The following NUP160 variants were observed in gnomAD, a reference collection of about 807,000 sequenced individuals.
The protein encoded by NUP160 is nuclear pore complex protein Nup160.
In NUP160, 94 loss-of-function variants were observed where a neutral mutation model predicts 196.9. That is an observed-to-expected ratio of 0.48 (90% CI 0.40 to 0.57). The LOEUF (loss-of-function observed/expected upper bound fraction) is 0.57, where lower values mean the gene tolerates loss of function less well. NUP160 is among the 20% of genes least tolerant of loss of function. The pLI is 0.00. For synonymous variants in NUP160, 605 were observed against 619.7 expected (o/e 0.98, Z 0.35); for missense variants, 1,638 against 1,748.3 (o/e 0.94, Z 1.13).
intron 29 of NUP160, 37 bp from the exon 30 acceptor site, chr11:47,788,648 T>C (rs141561991): frequency 6.9e-6 from 9 of 1,300,316 alleles, no homozygotes; most frequent in Admixed American, 3.5e-5. Flanking sequence ...ACTCCCAAAA[T>C]ACAAAGAAGT....
chr11:47,807,046 A>T (rs200696739), intron 19 of NUP160, 24 bp downstream of exon 19: 1 of 1,517,230 alleles, frequency 6.6e-7, no homozygotes, highest in Non-Finnish European at 9.1e-7. Flanking sequence ...TTAAAATGAA[A>T]TGTGTACATA....
At chr11:47,811,315 C>T (rs2135373975) in intron 17 of NUP160, among the ~76,000 whole-genome samples, 1 of 151,984 alleles carries the variant, frequency 6.6e-6, no homozygotes, top group Non-Finnish European at 1.5e-5. Flanking sequence ...TTAAGATCAG[C>T]CTGGTCAACA....
chr11:47,817,047 C>T (rs992986641), intron 11 of NUP160, among the ~76,000 whole-genome samples: 1 of 151,008 alleles, frequency 6.6e-6, no homozygotes, highest in Admixed American at 6.6e-5. Context: ...ATGATCAAGG[C>T]TCACCATACC....
chr11:47,812,484 C>T, intron 15 of NUP160, 55 bp from the exon 16 acceptor site: 1 of 1,495,630 alleles, frequency 6.7e-7, no homozygotes. Flanking sequence ...AAGGCAAGTT[C>T]TATATGTCCT....
intron 31 of NUP160, chr11:47,787,215 G>C (rs2097665071): frequency 6.6e-6 from 1 of 151,444 alleles, no homozygotes; most frequent in Non-Finnish European, 1.5e-5. Context: ...AGCCACCCAA[G>C]TAGCTGGGAT....
intron 7 of NUP160, among the ~76,000 whole-genome samples, chr11:47,834,895 T>C (rs1852145285): frequency 6.6e-6 from 1 of 151,236 alleles, no homozygotes; most frequent in South Asian, 2.1e-4. Flanking sequence ...TCAGGTTGGG[T>C]GAGGAGGAGG....
At chr11:47,785,603 T>G (rs980447299) in intron 32 of NUP160, among the ~76,000 whole-genome samples, 2 of 152,226 alleles carry the variant, frequency 1.3e-5, no homozygotes, top group African/African-American at 4.8e-5. Flanking sequence ...ACATATTTAG[T>G]AAATGAACGT....
At chr11:47,799,553 A>T (rs2097672937) in intron 23 of NUP160, among the ~76,000 whole-genome samples, 1 of 152,116 alleles carries the variant, frequency 6.6e-6, no homozygotes, top group East Asian at 1.9e-4. Flanking sequence ...AATTATTTTT[A>T]TTAATTTTTT....
intron 7 of NUP160, among the ~76,000 whole-genome samples, chr11:47,824,234 G>A (rs533164115): frequency 1.3e-5 from 2 of 151,460 alleles, no homozygotes; most frequent in Non-Finnish European, 2.9e-5. Flanking sequence ...TCCTTGCCAA[G>A]ACATTTATTT....
At position 47,812,867 on chromosome 11, in the gene NUP160, C is replaced by G; in HGVS notation, c.1952+15G>C. 1 of 1,592,956 alleles carries G rather than the reference C, an allele frequency of 6.3e-7. No homozygotes were observed. The highest frequency in any genetic ancestry group is 1.2e-5 in the South Asian group (1 of 86,810). ...ATTTCCATTAGGAAATGCACTTTAC[C>G]CTAATTCTCCTTACACATCAATAGT... is the stretch of plus-strand genomic sequence containing the variant. On this transcript the variant is annotated intron_variant, in intron 15 of 35. Transcript: ENST00000378460.
rs1377668028 is a variant in NUP160, at chr11:47,801,659, T to TA, written c.2895+151dup. ...GCCACCGTGCCCGGCCATGTTTCTT[T>TA]AATTTCTCTAGGCAAATTCATTTTT... On this transcript the variant is annotated intron_variant, in intron 23 of 35. Coordinates refer to ENST00000378460, the Ensembl canonical transcript of NUP160. 4.0e-6 allele frequency: 3 copies of TA among 744,144 alleles called. No homozygotes were observed. The African/African-American group carries it at 5.4e-5, about 14-fold the overall frequency. The allele number at this position is 744,144 out of a possible 1,614,324, so 46.1% of individuals were successfully genotyped here.
exon 32 of NUP160, chr11:47,786,482 G>C: frequency 6.2e-7 from 1 of 1,613,880 alleles, no homozygotes; most frequent in Non-Finnish European, 8.5e-7. Flanking sequence ...TGACAGATGA[G>C]AGCTGATTGG....
At chr11:47,796,665 T>C (rs1364308868) in intron 27 of NUP160, among the ~76,000 whole-genome samples, 1 of 152,198 alleles carries the variant, frequency 6.6e-6, no homozygotes, top group Non-Finnish European at 1.5e-5. Context: ...AATTTTACAT[T>C]AAAAAGTTGA....
chr11:47,782,539 A>G (rs1463275634), intron 34 of NUP160, among the ~76,000 whole-genome samples: 2 of 151,250 alleles, frequency 1.3e-5, no homozygotes, highest in Admixed American at 6.6e-5. Flanking sequence ...GTTGGGCAAA[A>G]TCATCTAACA....
Position 47,824,052 on chromosome 11 carries a change from T to TACAC in NUP160, c.1102-1892_1102-1889dup, listed in dbSNP as rs59415997. Among the ~76,000 whole-genome samples the TACAC allele has an allele frequency of 4.2e-3, 390 of 93,724 alleles. 2 individuals are homozygous for TACAC. The highest frequency in any genetic ancestry group is 5.3e-3 in the Non-Finnish European group (267 of 50,154). 61.5% of individuals were successfully genotyped at this position (93,724 alleles called of 152,430 possible). A position where few individuals can be genotyped will look rare whatever the true frequency, so the allele number is the denominator to read the frequency against. ...ATATATATATATATATATATATATA[T>TACAC]ACACACACACATAGAAGTGGAATTT... On this transcript the variant is annotated intron_variant, in intron 7 of 35. Transcript: ENST00000378460.
In NUP160 at chr11:47,831,982, A is replaced by G. The variant is rs189348001; in HGVS notation, c.1101+3669T>C. On this transcript the variant is annotated intron_variant, in intron 7 of 35. Transcript: ENST00000378460. ...AGTGGTGCAATCTCTGCTCACTGCA[A>G]CCTCCGCCTCCCAGGTTCAAACCAT... Among the ~76,000 whole-genome samples, 403 of 126,094 alleles carry G rather than the reference A, an allele frequency of 3.2e-3. 2 individuals are homozygous for G. The highest frequency in any genetic ancestry group is 5.1e-3 in the Non-Finnish European group (325 of 63,204). 82.7% of individuals were successfully genotyped at this position (126,094 alleles called of 152,430 possible). A position where few individuals can be genotyped will look rare whatever the true frequency, so the allele number is the denominator to read the frequency against.
intron 30 of NUP160, 38 bp from the exon 31 acceptor site, chr11:47,788,343 G>T (rs781014846): frequency 6.2e-7 from 1 of 1,612,286 alleles, no homozygotes; most frequent in Non-Finnish European, 8.5e-7. Flanking sequence ...TGTAGCCAAG[G>T]TATACACAAA....
At position 47,798,279 on chromosome 11, in the gene NUP160, G is replaced by T; in HGVS notation, c.2992-17C>A. 6.4e-7 allele frequency: 1 copy of T among 1,574,448 alleles called. No homozygotes were observed. Among genetic ancestry groups the T allele is most frequent in the East Asian group, 2.2e-5 (1 of 44,584 alleles). Reference sequence around the variant, plus strand: ...TAGAGTAGCCTAAATATCAAATGTAGATCAAATATCAAAAAGAGCAATAGA... The same window carrying T: ...TAGAGTAGCCTAAATATCAAATGTATATCAAATATCAAAAAGAGCAATAGA... On this transcript the variant is annotated splice_polypyrimidine_tract_variant and intron_variant, in intron 24 of 35. Coordinates refer to ENST00000378460, the Ensembl canonical transcript of NUP160.
intron 14 of NUP160, 91 bp downstream of exon 14, chr11:47,813,225 G>T: frequency 9.3e-7 from 1 of 1,079,482 alleles, no homozygotes; most frequent in Non-Finnish European, 1.4e-6. Context: ...CAAGACAGGT[G>T]TGGCAATCGA....
Sources: allele counts gnomAD v4.1 joint callset (sites outside exome capture counted in the v4.1 genomes callset), GRCh38; gene constraint gnomAD v4.1.1; transcripts MANE v1.5; gene names NCBI Gene and HGNC (gene_info 2026-07-23, HGNC 2026-07-21).